SFSWAP: variants seen among roughly 807,000 people sequenced by gnomAD.
SFSWAP encodes the protein splicing factor SWAP, also known as splicing factor, suppressor of white-apricot homolog.
Under a neutral mutation model 100.7 loss-of-function variants are expected in SFSWAP, and 17 were observed. That is an observed-to-expected ratio of 0.17 (90% confidence interval 0.12 to 0.25). SFSWAP has a LOEUF of 0.25. Among genes scored for constraint, SFSWAP ranks in the 10% least tolerant of loss-of-function variants. SFSWAP has a pLI of 1.00. For synonymous variants in SFSWAP, 504 were observed against 510.1 expected (o/e 0.99, Z 0.16); for missense variants, 1,005 against 1,262.6 (o/e 0.80, Z 3.09).
rs557784500 is a variant in SFSWAP, at chr12:131,724,549, T to C, written c.607-856T>C. Among the ~76,000 whole-genome samples the C allele has an allele frequency of 2.6e-5, 4 of 152,404 alleles. No individual in the cohort carries two copies. The South Asian group carries it at 8.3e-4, about 32-fold the overall frequency. ...TGAATTCTTAACCATCCATTTTTAA[T>C]GAGAATAATTGCCAGATTTATTTGC... is the stretch of plus-strand genomic sequence containing the variant. On this transcript the variant is annotated intron_variant, in intron 4 of 17. Transcript: ENST00000261674.
At chr12:131,782,996 C>A (rs1190031166) in intron 14 of SFSWAP, among the ~76,000 whole-genome samples, 1 of 152,092 alleles carries the variant, frequency 6.6e-6, no homozygotes, top group African/African-American at 2.4e-5. Context: ...GCCTGGCCAA[C>A]ATGGTAAAAC....
intron 14 of SFSWAP, chr12:131,785,324 C>T (rs1236350925): frequency 5.2e-6 from 6 of 1,163,142 alleles, no homozygotes; most frequent in Admixed American, 2.3e-5. Context: ...AGGGCAGCCA[C>T]TCCTGGCCCT....
chr12:131,753,053 G>A, intron 7 of SFSWAP, 70 bp from the exon 8 acceptor site: 2 of 1,584,924 alleles, frequency 1.3e-6, no homozygotes, highest in South Asian at 2.3e-5. Context: ...GGGCTCTTGT[G>A]GCTGCATTGT....
At chr12:131,755,777 A>G (rs1882098900) in intron 10 of SFSWAP, among the ~76,000 whole-genome samples, 1 of 152,216 alleles carries the variant, frequency 6.6e-6, no homozygotes, top group East Asian at 1.9e-4. Context: ...TACAGTTACT[A>G]GCTACCTTTC....
At chr12:131,763,587 C>T (rs9971764) in intron 11 of SFSWAP, among the ~76,000 whole-genome samples, 142,010 of 152,222 alleles carry the variant, frequency 0.93, 66,977 homozygotes, top group East Asian at 1. Flanking sequence ...TTCTAAACTT[C>T]TGTCACGCTG....
Position 131,728,383 on chromosome 12 carries a change from G to C in SFSWAP, c.1036G>C (p.Asp346His). ...TTCCACTCCCACCCCACACAACGCAGACGGTGCGCCTGTGCAGCCCTCCCA... is the reference window on the plus strand; with the variant it reads ...TTCCACTCCCACCCCACACAACGCACACGGTGCGCCTGTGCAGCCCTCCCA... ...DSSTPTPHNA[D>H]GAPVQPSQVE... The change falls in exon 7 of 18, where the codon GAC becomes CAC. Residue 346 changes from aspartate to histidine, a missense_variant. Coordinates refer to ENST00000261674, the MANE Select transcript of SFSWAP (RefSeq NM_004592.4). 1 of 1,614,214 alleles carries C rather than the reference G, an allele frequency of 6.2e-7. No individual in the cohort carries two copies. The highest frequency in any genetic ancestry group is 1.1e-5 in the South Asian group (1 of 91,092).
intron 7 of SFSWAP, among the ~76,000 whole-genome samples, chr12:131,750,869 A>G (rs182173650): frequency 3.4e-5 from 5 of 148,920 alleles, no homozygotes; most frequent in Admixed American, 2.7e-4. Flanking sequence ...ATTTTATTTT[A>G]TTTTTTGGAG....
intron 13 of SFSWAP, among the ~76,000 whole-genome samples, chr12:131,773,843 G>A (rs956413839): frequency 1.3e-5 from 2 of 152,178 alleles, no homozygotes; most frequent in African/African-American, 4.8e-5. Flanking sequence ...TTCACACATG[G>A]GCATTTCCAT....
At position 131,756,486 on chromosome 12, in the gene SFSWAP, C is replaced by T. The variant is rs1882171595; in HGVS notation, c.1562C>T (p.Pro521Leu). The change falls in exon 11 of 18, where the codon CCA becomes CTA. Residue 521 changes from proline to leucine, a missense_variant. By Grantham distance (98) the Pro-to-Leu change is moderately conservative. Around this residue, in one of 7 missense-constraint regions of SFSWAP, gnomAD observed 311 missense variants for 317.8 expected, o/e 0.98. Coordinates refer to ENST00000261674, the MANE Select transcript of SFSWAP (RefSeq NM_004592.4). Reference protein sequence around the residue: ...GGDSMQAVSAPEEAPTDSAPE... With the variant: ...GGDSMQAVSALEEAPTDSAPE... ...TTTAATCTCTAGGCTGTGTCTGCAC[C>T]AGAAGAGGCTCCCACAGACTCTGCT... The T allele has an allele frequency of 1.9e-6, 3 of 1,613,918 alleles. No individual in the cohort carries two copies. Among genetic ancestry groups the T allele is most frequent in the Middle Eastern group, 1.6e-4 (1 of 6,062 alleles).
intron 9 of SFSWAP, 128 bp downstream of exon 9, chr12:131,754,627 CTTTTTTTTTT>C (rs869226840): frequency 5.0e-5 from 4 of 80,740 alleles, no homozygotes; most frequent in Non-Finnish European, 8.5e-5. Context: ...GCTCAAATGT[CTTTTTTTTTT>C]TTTTTTTTTT....
intron 13 of SFSWAP, among the ~76,000 whole-genome samples, chr12:131,772,522 G>A (rs551184649): frequency 2.6e-4 from 39 of 152,272 alleles, no homozygotes; most frequent in Non-Finnish European, 4.3e-4. Context: ...TCGTTTTCTC[G>A]GCTGCCACTC....
chr12:131,733,660 G>A lies in SFSWAP; in HGVS notation c.1081+5232G>A, dbSNP rs1381895131. 6.6e-6 allele frequency among the ~76,000 whole-genome samples: 1 copy of A among 152,042 alleles called. No individual in the cohort carries two copies. The highest frequency in any genetic ancestry group is 1.5e-5 in the Non-Finnish European group (1 of 67,982). On this transcript the variant is annotated intron_variant, in intron 7 of 17. Coordinates refer to ENST00000261674, the MANE Select transcript of SFSWAP (RefSeq NM_004592.4). This position sits in a 1 kb window ranked among gnomAD's most constrained non-coding sequence, Gnocchi z 5.1. Reference sequence around the variant, plus strand: ...GAGAAGGAGGCCTGTCACAGCATCTGTGACAGCCCGGAAGGAAACAGCAGT... The same window carrying A: ...GAGAAGGAGGCCTGTCACAGCATCTATGACAGCCCGGAAGGAAACAGCAGT...
At position 131,734,894 on chromosome 12, in the gene SFSWAP, A is replaced by G. The variant is rs2136199058; in HGVS notation, c.1081+6466A>G. ...AGCCGCAGATACCATCTCAGCCGGC[A>G]TGGCGCATGGGGGTGGGGTGGGGCA... is the stretch of plus-strand genomic sequence containing the variant. On this transcript the variant is annotated intron_variant, in intron 7 of 17. Coordinates refer to ENST00000261674, the MANE Select transcript of SFSWAP (RefSeq NM_004592.4). The surrounding 1 kb of genome is among the most constrained non-coding windows in gnomAD (Gnocchi z 4.9). Among the ~76,000 whole-genome samples the G allele has an allele frequency of 7.7e-6, 1 of 130,288 alleles. No individual in the cohort carries two copies. Among genetic ancestry groups the G allele is most frequent in the South Asian group, 2.7e-4 (1 of 3,670 alleles). 85.5% of individuals were successfully genotyped at this position (130,288 alleles called of 152,430 possible). A position where few individuals can be genotyped will look rare whatever the true frequency, so the allele number is the denominator to read the frequency against.
intron 11 of SFSWAP, among the ~76,000 whole-genome samples, chr12:131,763,429 C>G (rs1230312075): frequency 1.3e-5 from 2 of 152,182 alleles, no homozygotes; most frequent in Non-Finnish European, 2.9e-5. Flanking sequence ...CCAGTTAGCT[C>G]TTGTCAAGAG....
At position 131,733,754 on chromosome 12, in the gene SFSWAP, A is replaced by G. The variant is rs903797568; in HGVS notation, c.1081+5326A>G. Among the ~76,000 whole-genome samples, 1 of 151,712 alleles carries G rather than the reference A, an allele frequency of 6.6e-6. No individual in the cohort carries two copies. Among genetic ancestry groups the G allele is most frequent in the Admixed American group, 6.6e-5 (1 of 15,262 alleles). The stretch of plus-strand genomic sequence containing the variant: ...AGTCACAGGCTTGGTGAGGTGGGGG[A>G]CAGGCAGGGGTGGGCCCCGAGGTGT... On this transcript the variant is annotated intron_variant, in intron 7 of 17. Transcript: ENST00000261674. This position sits in a 1 kb window ranked among gnomAD's most constrained non-coding sequence, Gnocchi z 5.1.
intron 6 of SFSWAP, among the ~76,000 whole-genome samples, 160 bp downstream of exon 6, chr12:131,727,212 A>G (rs1879060778): frequency 6.6e-6 from 1 of 152,236 alleles, no homozygotes; most frequent in South Asian, 2.1e-4. Context: ...CTGGGTGACA[A>G]AGCATCTGCT....
rs539377618 is a variant in SFSWAP, at chr12:131,764,570, A to G, written c.1835A>G (p.Glu612Gly). 1 of 1,614,202 alleles carries G rather than the reference A, an allele frequency of 6.2e-7. No individual in the cohort carries two copies. Residue 612 changes from glutamate (E) to glycine (G), a missense_variant, in exon 12 of 18, where the codon GAA (glutamate) becomes GGA (glycine). By Grantham distance (98) the Glu-to-Gly change is moderately conservative (BLOSUM62 -2). Around this residue, in one of 7 missense-constraint regions of SFSWAP, gnomAD observed 82 missense variants for 131.0 expected, o/e 0.63. Transcript: ENST00000261674. ...AGTGATGATGATGAAGAAAGCAAAG[A>G]AGGCCAAGAAAGTTCTAGTAGTGCT... is the stretch of plus-strand genomic sequence containing the variant. ...DDSDDDEESKEGQESSSSAAN... is the reference protein window; with the variant it reads ...DDSDDDEESKGGQESSSSAAN...
At chr12:131,735,246 C>T (rs1313187621) in intron 7 of SFSWAP, among the ~76,000 whole-genome samples, 2 of 152,222 alleles carry the variant, frequency 1.3e-5, no homozygotes, top group African/African-American at 4.8e-5. Flanking sequence ...CCTACACGCC[C>T]GCGCCTGAAG....
rs147653672 is a variant in SFSWAP at position 131,754,387 on chromosome 12, G to A, written c.1342G>A (p.Ala448Thr). ...TTTSALAPVAAIIPPPPDVQP... is the reference protein window; with the variant it reads ...TTTSALAPVATIIPPPPDVQP... The stretch of plus-strand genomic sequence containing the variant: ...CTGCAGTGCACTTGCCCCCGTGGCC[G>A]CCATCATCCCCCCGCCCCCCGACGT... Residue 448 changes from alanine to threonine, a missense_variant, in exon 9 of 18, where the codon GCC becomes ACC. Ala to Thr is a moderately conservative substitution (Grantham distance 58). Transcript: ENST00000261674. 364 of 1,579,408 alleles carry A rather than the reference G, an allele frequency of 2.3e-4. 1 individual carries two copies. In the East Asian group the frequency reaches 2.7e-3, roughly 12 times the overall value.
Sources: gnomAD v4.1 joint callset for allele counts (sites outside exome capture counted in the v4.1 genomes callset) on GRCh38, gnomAD v4.1.1 for gene constraint, gnomAD v4.1.1 regional missense constraint, Gnocchi (gnomAD v3.1) non-coding constraint, MANE v1.5 for transcripts, NCBI Gene and HGNC (gene_info 2026-07-23, HGNC 2026-07-21) for gene names.